Variants in SPTBN4 observed in about 807,000 individuals in gnomAD.
SPTBN4 encodes the protein spectrin beta chain, non-erythrocytic 4.
In SPTBN4, 96 loss-of-function variants were observed where a neutral mutation model predicts 277.8. The observed-to-expected ratio is 0.35, with a 90% CI of 0.29 to 0.41. The LOEUF (loss-of-function observed/expected upper bound fraction) is 0.41, where lower values mean the gene tolerates loss of function less well. SPTBN4 is among the 10% of genes least tolerant of loss of function. SPTBN4 has a pLI of 1.00. For missense variants in SPTBN4, 3,006 were observed against 3,595.7 expected, an observed-to-expected ratio of 0.84 and a Z score of 4.19; for synonymous variants, 1,481 against 1,580.3, an observed-to-expected ratio of 0.94 and a Z score of 1.49.
In SPTBN4 at chr19:40,513,324, A is replaced by G. The variant is rs781398792; in HGVS notation, c.2535A>G (p.Ala845=). 3.2e-6 allele frequency: 5 copies of G among 1,577,082 alleles called. No individual in the cohort carries two copies. Among genetic ancestry groups the G allele is most frequent in the Non-Finnish European group, 4.3e-6 (5 of 1,164,430 alleles). ...QLATLGGASG[A]GPLVVALQVR... is the part of the protein sequence containing the mutation. ...CGACACTCGGGGGTGCCAGTGGCGCAGGGCCACTGGTGGTGGCGCTGCAGG... is the reference window on the plus strand; with the variant it reads ...CGACACTCGGGGGTGCCAGTGGCGCGGGGCCACTGGTGGTGGCGCTGCAGG... Residue 845 remains alanine (A), a synonymous_variant, in exon 14 of 36, where the codon GCA becomes GCG. Coordinates refer to ENST00000598249, the MANE Select transcript of SPTBN4 (RefSeq NM_020971.3).
At chr19:40,532,039 G>A (rs2080681040) in intron 18 of SPTBN4, among the ~76,000 whole-genome samples, 1 of 151,746 alleles carries the variant, frequency 6.6e-6, no homozygotes, top group Non-Finnish European at 1.5e-5. Flanking sequence ...CAGATTAGAG[G>A]GTTAGTTTAG....
chr19:40,525,247 C>T (rs1004363259), intron 17 of SPTBN4, among the ~76,000 whole-genome samples: 3 of 151,672 alleles, frequency 2.0e-5, no homozygotes, highest in African/African-American at 7.3e-5. Flanking sequence ...TATGGGAATT[C>T]TGTTCTTGAG....
At chr19:40,501,534 G>A (rs977497307) in intron 7 of SPTBN4, among the ~76,000 whole-genome samples, 4 of 152,104 alleles carry the variant, frequency 2.6e-5, no homozygotes, top group African/African-American at 9.7e-5. Flanking sequence ...CAGGCATGGT[G>A]GTGCATGCCC....
intron 22 of SPTBN4, among the ~76,000 whole-genome samples, chr19:40,551,881 C>T (rs1361433606): frequency 1.3e-5 from 2 of 152,034 alleles, no homozygotes; most frequent in East Asian, 3.9e-4. Context: ...GTAATCCCAG[C>T]TACCTGGGAG....
At chr19:40,540,657 C>G (rs1001374435) in intron 20 of SPTBN4, among the ~76,000 whole-genome samples, 7 of 151,602 alleles carry the variant, frequency 4.6e-5, no homozygotes, top group African/African-American at 1.5e-4. Context: ...GTGTTCCAGA[C>G]CAGCCTGGGC....
intron 2 of SPTBN4, among the ~76,000 whole-genome samples, chr19:40,484,654 G>A (rs972765345): frequency 2.6e-5 from 4 of 151,938 alleles, no homozygotes; most frequent in East Asian, 3.9e-4. Context: ...TTGGCCAGGC[G>A]AGGTGGCTCA....
Position 40,529,150 on chromosome 19 carries a change from C to G in SPTBN4, c.3948+19C>G. 6.2e-7 allele frequency: 1 copy of G among 1,607,982 alleles called. No homozygotes were observed. The highest frequency in any genetic ancestry group is 8.5e-7 in the Non-Finnish European group (1 of 1,174,612). On this transcript the variant is annotated intron_variant, in intron 18 of 35. Coordinates refer to ENST00000598249, the MANE Select transcript of SPTBN4 (RefSeq NM_020971.3). Reference sequence around the variant, plus strand: ...CCACGAGGTAGGAACTCCAGGTGTGCTGGGGACGGAGACATCCCCTTTAGT... The same window carrying G: ...CCACGAGGTAGGAACTCCAGGTGTGGTGGGGACGGAGACATCCCCTTTAGT...
chr19:40,567,298 AAAATAAATAAATAAATAAATAAATAAAT>A lies in SPTBN4; in HGVS notation c.6337-345_6337-318del, dbSNP rs57552574. 4.2e-5 allele frequency: 6 copies of A among 141,862 alleles called. No homozygotes were observed. In the East Asian group the frequency reaches 1.0e-3, roughly 24 times the overall value. 8.8% of individuals were successfully genotyped at this position (141,862 alleles called of 1,614,324 possible). A position where few individuals can be genotyped will look rare whatever the true frequency, so the allele number is the denominator to read the frequency against. On this transcript the variant is annotated intron_variant, in intron 30 of 35. Transcript: ENST00000598249. ...TGGGCGACAGAGCAAGACTGTCTCAAAAATAAATAAATAAATAAATAAATAAATAAATAAATAAATAAATAAAGTCTTA... is the reference window on the plus strand; with the variant it reads ...TGGGCGACAGAGCAAGACTGTCTCAAAAATAAATAAATAAATAAAGTCTTA...
chr19:40,534,711 C>A (rs1469373037), intron 20 of SPTBN4: 3 of 235,236 alleles, frequency 1.3e-5, no homozygotes, highest in South Asian at 6.2e-5. Flanking sequence ...TTGAGCATTT[C>A]TCTACCAGTC....
chr19:40,570,554 G>A lies in SPTBN4; in HGVS notation c.7145G>A (p.Arg2382Gln). ...PRARDRPKPR[R>Q]RPRPREGGEG... ...GCGCGGGACCGGCCCAAGCCGCGAC[G>A]GCGGCCGCGGCCCAGAGAGGGTGGT... The change falls in exon 33 of 36, where the codon CGG becomes CAG. Residue 2382 changes from arginine (R) to glutamine (Q), a missense_variant. This residue lies in a region of SPTBN4 where 630 missense variants were observed against 677.6 expected (regional missense o/e 0.93). Coordinates refer to ENST00000598249, the MANE Select transcript of SPTBN4 (RefSeq NM_020971.3). 1 of 1,355,684 alleles carries A rather than the reference G, an allele frequency of 7.4e-7. No homozygotes were observed. The highest frequency in any genetic ancestry group is 9.5e-7 in the Non-Finnish European group (1 of 1,057,814). 84.0% of individuals were successfully genotyped at this position (1,355,684 alleles called of 1,614,324 possible).
intron 3 of SPTBN4, among the ~76,000 whole-genome samples, chr19:40,489,634 C>T (rs571876301): frequency 5.9e-5 from 9 of 152,242 alleles, no homozygotes; most frequent in East Asian, 1.9e-4. Context: ...GTGAACCACC[C>T]GCCTCGGCCT....
At position 40,506,338 on chromosome 19, in the gene SPTBN4, C is replaced by T. The variant is rs1177349695; in HGVS notation, c.1768C>T (p.Arg590Trp). 10 of 1,613,844 alleles carry T rather than the reference C, an allele frequency of 6.2e-6. No individual in the cohort carries two copies. The highest frequency in any genetic ancestry group is 2.7e-5 in the African/African-American group (2 of 74,928). Reference sequence around the variant, plus strand: ...GGGAGACATTGCCGCCCAGAGCGAGCGGGTGGAGGCTCTCAATGCCGCTGC... The same window carrying T: ...GGGAGACATTGCCGCCCAGAGCGAGTGGGTGGAGGCTCTCAATGCCGCTGC... The part of the protein sequence containing the change: ...LEGDIAAQSE[R>W]VEALNAAALR... Residue 590 changes from arginine to tryptophan, a missense_variant, in exon 13 of 36, where the codon CGG becomes TGG. Coordinates refer to ENST00000598249, the MANE Select transcript of SPTBN4 (RefSeq NM_020971.3).
chr19:40,565,204 G>C (rs1825758107), intron 27 of SPTBN4, among the ~76,000 whole-genome samples: 1 of 151,908 alleles, frequency 6.6e-6, no homozygotes, highest in Non-Finnish European at 1.5e-5. Context: ...GGTGGAGTTT[G>C]CAGTGAGCCG....
intron 20 of SPTBN4, chr19:40,534,653 G>A (rs2145901657): frequency 2.6e-6 from 1 of 378,696 alleles, no homozygotes; most frequent in South Asian, 3.1e-5. Flanking sequence ...GAGAAACCAA[G>A]GCTCAGGGGT....
At chr19:40,471,051 G>A (rs576294637) in intron 1 of SPTBN4, among the ~76,000 whole-genome samples, 56 of 151,440 alleles carry the variant, frequency 3.7e-4, no homozygotes, top group African/African-American at 1.3e-3. Flanking sequence ...CCAGGTTCAA[G>A]TGATTCTCCT....
intron 3 of SPTBN4, among the ~76,000 whole-genome samples, chr19:40,489,746 T>A (rs1022645663): frequency 6.6e-6 from 1 of 151,810 alleles, no homozygotes; most frequent in African/African-American, 2.4e-5. Context: ...GGGCCAGGGC[T>A]GAGACTATGG....
intron 13 of SPTBN4, among the ~76,000 whole-genome samples, chr19:40,509,886 C>T (rs765656276): frequency 5.3e-5 from 8 of 152,184 alleles, no homozygotes; most frequent in Non-Finnish European, 1.2e-4. Flanking sequence ...CTGACCCTGG[C>T]TCAGCTCCCT....
intron 2 of SPTBN4, among the ~76,000 whole-genome samples, chr19:40,487,346 CTCT>C (rs199945808): frequency 0.031 from 4,544 of 147,178 alleles, 97 homozygotes; most frequent in African/African-American, 0.055. Context: ...AGCCGACTCA[CTCT>C]TTTTTTTTTT....
intron 16 of SPTBN4, among the ~76,000 whole-genome samples, chr19:40,521,439 C>A (rs2080525397): frequency 6.6e-6 from 1 of 152,156 alleles, no homozygotes; most frequent in Non-Finnish European, 1.5e-5. Context: ...TGTTTTCCTG[C>A]AACTAGACGT....
Sources: allele counts gnomAD v4.1 joint callset (sites outside exome capture counted in the v4.1 genomes callset), GRCh38; gene constraint gnomAD v4.1.1; regional missense constraint gnomAD v4.1.1; transcripts MANE v1.5; gene names NCBI Gene and HGNC (gene_info 2026-07-23, HGNC 2026-07-21).